The following RBKS variants were observed in gnomAD, a reference collection of about 807,000 sequenced individuals.
The protein encoded by RBKS is ribokinase.
Under a neutral mutation model 33.9 loss-of-function variants are expected in RBKS, and 33 were observed. The ratio of observed to expected loss-of-function variants is 0.97; its 90% CI spans 0.74 to 1.30. The LOEUF (loss-of-function observed/expected upper bound fraction) is 1.30, where lower values mean the gene tolerates loss of function less well. Among genes scored for constraint, RBKS ranks in the 50% most tolerant of loss-of-function variants. The pLI, the probability that RBKS is intolerant of heterozygous loss-of-function variation, is 0.00. For synonymous variants in RBKS, 125 were observed against 143.0 expected, an observed-to-expected ratio of 0.87 and a Z score of 0.90; for missense variants, 361 against 392.6, an observed-to-expected ratio of 0.92 and a Z score of 0.68.
At chr2:27,807,554 T>A (rs975478835) in intron 7 of RBKS, among the ~76,000 whole-genome samples, 1 of 151,974 alleles carries the variant, frequency 6.6e-6, no homozygotes, top group African/African-American at 2.4e-5. Context: ...CTATAAAAAA[T>A]TTTTTTGTAG....
At chr2:27,871,796 T>A (rs1664217203) in intron 1 of RBKS, among the ~76,000 whole-genome samples, 1 of 152,206 alleles carries the variant, frequency 6.6e-6, no homozygotes, top group East Asian at 1.9e-4. Flanking sequence ...CACTCACTGA[T>A]AGGGTTTTGA....
At chr2:27,801,949 GGAAAAAAA>G (rs1349046387) in intron 7 of RBKS, among the ~76,000 whole-genome samples, 63 of 54,692 alleles carry the variant, frequency 1.2e-3, no homozygotes, top group African/African-American at 4.5e-3. Flanking sequence ...GAGTAGCTGG[GGAAAAAAA>G]AAAAAAATAT....
At chr2:27,796,496 T>C (rs1441831530) in intron 7 of RBKS, among the ~76,000 whole-genome samples, 1 of 152,174 alleles carries the variant, frequency 6.6e-6, no homozygotes, top group Non-Finnish European at 1.5e-5. Flanking sequence ...GCTGCTCTTA[T>C]AGAGTGGGTG....
intron 2 of RBKS, 65 bp downstream of exon 2, chr2:27,858,374 A>G (rs902171274): frequency 6.6e-7 from 1 of 1,505,366 alleles, no homozygotes; most frequent in East Asian, 2.3e-5. Context: ...ATTAAAAACA[A>G]TGAACTCCAG....
At position 27,858,587 on chromosome 2, in the gene RBKS, A is replaced by C. The variant is rs777998068; in HGVS notation, c.90-16T>G. On this transcript the variant is annotated splice_polypyrimidine_tract_variant and intron_variant, in intron 1 of 7. Coordinates refer to ENST00000302188, the MANE Select transcript of RBKS (RefSeq NM_022128.3). ...AGAAGTAAGACTATTGTAATTTAAA[A>C]AGAGAAGAAAAAAGCATATTGGTAA... is the stretch of plus-strand genomic sequence containing the variant. 1.2e-6 allele frequency: 2 copies of C among 1,607,348 alleles called. No individual in the cohort carries two copies. The highest frequency in any genetic ancestry group is 2.7e-5 in the African/African-American group (2 of 74,460).
chr2:27,875,858 T>C (rs1664305545), intron 1 of RBKS, among the ~76,000 whole-genome samples: 1 of 152,036 alleles, frequency 6.6e-6, no homozygotes, highest in African/African-American at 2.4e-5. Context: ...TGCACAAACG[T>C]ATACTTAGAC....
chr2:27,866,529 C>T (rs1664101356), intron 1 of RBKS, among the ~76,000 whole-genome samples: 1 of 152,124 alleles, frequency 6.6e-6, no homozygotes, highest in Non-Finnish European at 1.5e-5. Flanking sequence ...TCTTAGACTC[C>T]AGTGACATAT....
chr2:27,858,655 T>C (rs1213842929), intron 1 of RBKS, 84 bp from the exon 2 acceptor site: 22 of 1,210,192 alleles, frequency 1.8e-5, no homozygotes, highest in Non-Finnish European at 2.5e-5. Flanking sequence ...GAAGGCTATA[T>C]GGTAGAGCTC....
intron 1 of RBKS, among the ~76,000 whole-genome samples, chr2:27,873,639 A>T (rs995920604): frequency 2.6e-5 from 4 of 152,216 alleles, no homozygotes; most frequent in East Asian, 1.9e-4. Flanking sequence ...TATTGTTGCT[A>T]TAACAGTGTA....
Position 27,798,454 on chromosome 2 carries a change from C to G in RBKS, c.796-16666G>C, listed in dbSNP as rs577946913. ...AAACCTGGGGGTCTCCTGGGCATCT[C>G]CTTCCCATATACTTCATCAATCACC... On this transcript the variant is annotated intron_variant, in intron 7 of 7. Transcript: ENST00000302188. Among the ~76,000 whole-genome samples, 15 of 152,228 alleles carry G rather than the reference C, an allele frequency of 9.9e-5. 1 individual carries two copies. In the South Asian group the frequency reaches 3.1e-3, roughly 32 times the overall value.
chr2:27,847,220 G>A, intron 3 of RBKS, 116 bp from the exon 4 acceptor site: 3 of 584,980 alleles, frequency 5.1e-6, no homozygotes, highest in Admixed American at 2.7e-5. Flanking sequence ...TTAACCATCT[G>A]GAATGATAAA....
At chr2:27,840,356 GCGCGCGCGCACA>G (rs1663462554) in intron 5 of RBKS, among the ~76,000 whole-genome samples, 1 of 121,558 alleles carries the variant, frequency 8.2e-6, no homozygotes, top group African/African-American at 3.1e-5. Flanking sequence ...ACACACACAC[GCGCGCGCGCACA>G]CACACACACA....
chr2:27,860,979 T>C (rs1214899594), intron 1 of RBKS, among the ~76,000 whole-genome samples: 3 of 151,904 alleles, frequency 2.0e-5, no homozygotes, highest in Admixed American at 6.6e-5. Context: ...TTCTCTCTTT[T>C]TTTTTTTAAA....
chr2:27,884,403 C>T (rs1409839028), intron 1 of RBKS, among the ~76,000 whole-genome samples: 3 of 152,164 alleles, frequency 2.0e-5, no homozygotes, highest in Non-Finnish European at 2.9e-5. Flanking sequence ...CACACCACTA[C>T]GCCCAGCTAA....
chr2:27,821,244 T>C (rs1678198712), intron 7 of RBKS, among the ~76,000 whole-genome samples: 1 of 152,138 alleles, frequency 6.6e-6, no homozygotes, highest in Non-Finnish European at 1.5e-5. Context: ...ATGTGTATAA[T>C]CCTGACTTCT....
chr2:27,861,668 G>GA, intron 1 of RBKS: 1 of 429,802 alleles, frequency 2.3e-6, no homozygotes, highest in South Asian at 1.7e-5. Context: ...CTTTTTGGGG[G>GA]GGGGGTGGAG....
chr2:27,783,576 C>G (rs1234905494), intron 7 of RBKS, among the ~76,000 whole-genome samples: 1 of 152,082 alleles, frequency 6.6e-6, no homozygotes, highest in Non-Finnish European at 1.5e-5. Flanking sequence ...CAATTGTGTT[C>G]AGGACAATTT....
rs938919388 is a variant in RBKS, at chr2:27,795,412, T to C, written c.796-13624A>G. ...TACATCCAACAGTGGAAAAACTCTT[T>C]GAAATTTAAACATAAAAGGGGCAGA... On this transcript the variant is annotated intron_variant, in intron 7 of 7. Coordinates refer to ENST00000302188, the MANE Select transcript of RBKS (RefSeq NM_022128.3). This position sits in a 1 kb window ranked among gnomAD's most constrained non-coding sequence, Gnocchi z 4.1. Among the ~76,000 whole-genome samples the C allele has an allele frequency of 3.3e-5, 5 of 152,148 alleles. No individual in the cohort carries two copies. The highest frequency in any genetic ancestry group is 7.2e-5 in the African/African-American group (3 of 41,410).
At chr2:27,782,281 A>T (rs985616303) in intron 7 of RBKS, among the ~76,000 whole-genome samples, 5 of 152,082 alleles carry the variant, frequency 3.3e-5, no homozygotes, top group African/African-American at 1.2e-4. Context: ...GGCTGGGCAC[A>T]AGCAATCCTC....
Sources: allele counts gnomAD v4.1 joint callset (sites outside exome capture counted in the v4.1 genomes callset), GRCh38; gene constraint gnomAD v4.1.1; non-coding constraint Gnocchi (gnomAD v3.1); transcripts MANE v1.5; gene names NCBI Gene and HGNC (gene_info 2026-07-23, HGNC 2026-07-21).